The following NFIX variants were observed in gnomAD, a reference collection of about 807,000 sequenced individuals.
NFIX encodes nuclear factor 1 X-type.
NFIX carries 2 observed loss-of-function variants against 53.3 expected under a neutral mutation model. The observed-to-expected ratio is 0.04, with a 90% CI of 0.02 to 0.12. The LOEUF is 0.12. Ranked by LOEUF, NFIX falls within the 10% of genes least tolerant of loss-of-function variation. NFIX has a pLI of 1.00. For synonymous variants in NFIX, 244 were observed against 289.0 expected, an observed-to-expected ratio of 0.84 and a Z score of 1.58; for missense variants, 310 against 674.5, an observed-to-expected ratio of 0.46 and a Z score of 5.99.
rs879579186 is a variant in NFIX, at chr19:13,068,835, GAGA to G, written c.560-4209_560-4207del. On this transcript the variant is annotated intron_variant, in intron 2 of 10. Coordinates refer to ENST00000592199, the MANE Select transcript of NFIX (RefSeq NM_001365902.3). This position sits in a 1 kb window ranked among gnomAD's most constrained non-coding sequence, Gnocchi z 4.2. ...ATCTCACGAGTAGCCCAGGTCCCCA[GAGA>G]AGGACAGCCCGCAGAGCTGCGTGTT... Among the ~76,000 whole-genome samples the G allele has an allele frequency of 2.0e-5, 3 of 152,236 alleles. No homozygotes were observed. The highest frequency in any genetic ancestry group is 4.4e-5 in the Non-Finnish European group (3 of 68,046).
intron 2 of NFIX, among the ~76,000 whole-genome samples, chr19:13,069,403 C>T (rs1327279192): frequency 3.3e-5 from 5 of 152,318 alleles, no homozygotes; most frequent in East Asian, 3.9e-4. Context: ...AGATGGAGCC[C>T]GGCACCTGCC....
chr19:13,000,000 G>A (rs1200116729), intron 1 of NFIX, among the ~76,000 whole-genome samples: 1 of 152,210 alleles, frequency 6.6e-6, no homozygotes, highest in African/African-American at 2.4e-5. Flanking sequence ...TTTTGATGCT[G>A]GGCCGAGCTC....
intron 8 of NFIX, among the ~76,000 whole-genome samples, chr19:13,085,517 C>T (rs1014140758): frequency 2.0e-5 from 3 of 152,196 alleles, no homozygotes; most frequent in South Asian, 2.1e-4. Context: ...GGGGAGGCGT[C>T]GCATCACCTT....
In NFIX at chr19:13,002,211, T is replaced by G. The variant is rs2011745562; in HGVS notation, c.27+6347T>G. Among the ~76,000 whole-genome samples, 2 of 144,996 alleles carry G rather than the reference T, an allele frequency of 1.4e-5. No homozygotes were observed. The highest frequency in any genetic ancestry group is 1.5e-5 in the Non-Finnish European group (1 of 65,754). ...TCTTTCCCCCTTTCTCTCTCTCTCT[T>G]TCCTCCCTCTCTCCTCCCCTCCTCC... On this transcript the variant is annotated intron_variant, in intron 1 of 10. Transcript: ENST00000592199. The surrounding 1 kb of genome is among the most constrained non-coding windows in gnomAD (Gnocchi z 6.1).
Position 13,025,559 on chromosome 19 carries a change from C to A in NFIX, c.559+7C>A. 14 of 1,598,806 alleles carry A rather than the reference C, an allele frequency of 8.8e-6. No individual in the cohort carries two copies. Among genetic ancestry groups the A allele is most frequent in the Non-Finnish European group, 1.2e-5 (14 of 1,170,214 alleles). On this transcript the variant is annotated splice_region_variant and intron_variant, in intron 2 of 10. Transcript: ENST00000592199. This position sits in a 1 kb window ranked among gnomAD's most constrained non-coding sequence, Gnocchi z 7.5. Reference sequence around the variant, plus strand: ...TACTTTGTCCACACTCCGGGTAGGTCGTTCTCAACCATTTTTCCCTCTCAT... The same window carrying A: ...TACTTTGTCCACACTCCGGGTAGGTAGTTCTCAACCATTTTTCCCTCTCAT...
rs953082618 is a variant in NFIX, at chr19:13,081,510, C to T, written c.1079-170C>T. On this transcript the variant is annotated intron_variant, in intron 7 of 10. Transcript: ENST00000592199. This position sits in a 1 kb window ranked among gnomAD's most constrained non-coding sequence, Gnocchi z 4.7. ...TGTATTGCATTAAAACATCATGGAT[C>T]CTGATGACTGACTTTTTTGTGCCGC... 1.6e-4 allele frequency among the ~76,000 whole-genome samples: 25 copies of T among 152,216 alleles called. No homozygotes were observed. The highest frequency in any genetic ancestry group is 3.4e-3 in the Middle Eastern group (1 of 294).
chr19:13,003,792 C>T (rs2145136990), intron 1 of NFIX, among the ~76,000 whole-genome samples: 1 of 152,250 alleles, frequency 6.6e-6, no homozygotes, highest in Admixed American at 6.5e-5. Flanking sequence ...GTGCATGCCA[C>T]CACACCTGGC....
At position 13,037,382 on chromosome 19, in the gene NFIX, A is replaced by G. The variant is rs985015333; in HGVS notation, c.559+11830A>G. Among the ~76,000 whole-genome samples the G allele has an allele frequency of 1.3e-5, 2 of 152,220 alleles. No individual in the cohort carries two copies. Among genetic ancestry groups the G allele is most frequent in the African/African-American group, 4.8e-5 (2 of 41,448 alleles). ...AGTTTCAGCCTTAGTAATCTAAGAA[A>G]TATGTGAGCAATTTGATGCGGATCT... On this transcript the variant is annotated intron_variant, in intron 2 of 10. Coordinates refer to ENST00000592199, the MANE Select transcript of NFIX (RefSeq NM_001365902.3). The surrounding 1 kb of genome is among the most constrained non-coding windows in gnomAD (Gnocchi z 4.2).
rs1369895935 is a variant in NFIX, at chr19:13,066,157, T to C, written c.560-6890T>C. ...AAGATGAGCTGATGGACTTGCTTTCTCCTCGCTTCCCGAAGCCTTACTGCC... is the reference window on the plus strand; with the variant it reads ...AAGATGAGCTGATGGACTTGCTTTCCCCTCGCTTCCCGAAGCCTTACTGCC... On this transcript the variant is annotated intron_variant, in intron 2 of 10. Transcript: ENST00000592199. This position sits in a 1 kb window ranked among gnomAD's most constrained non-coding sequence, Gnocchi z 4.2. Among the ~76,000 whole-genome samples, 2 of 152,204 alleles carry C rather than the reference T, an allele frequency of 1.3e-5. No homozygotes were observed. The highest frequency in any genetic ancestry group is 3.8e-4 in the East Asian group (2 of 5,200).
chr19:13,064,631 G>GAGCCC (rs946438760), intron 2 of NFIX, among the ~76,000 whole-genome samples: 6 of 152,156 alleles, frequency 3.9e-5, no homozygotes, highest in African/African-American at 1.4e-4. Context: ...GGCCCCAAGG[G>GAGCCC]AGCCCCTCTG....
rs572084559 is a variant in NFIX at position 13,089,208 on chromosome 19, G to A, written c.1402+1072G>A. Among the ~76,000 whole-genome samples the A allele has an allele frequency of 6.6e-6, 1 of 152,276 alleles. No homozygotes were observed. The highest frequency in any genetic ancestry group is 2.4e-5 in the African/African-American group (1 of 41,554). ...GGGCAGGGTGGGGGATGGGAGCTGG[G>A]CTACAGGGTTCGGGGGCCACTTCTG... On this transcript the variant is annotated intron_variant, in intron 9 of 10. Coordinates refer to ENST00000592199, the MANE Select transcript of NFIX (RefSeq NM_001365902.3). The surrounding 1 kb of genome is among the most constrained non-coding windows in gnomAD (Gnocchi z 4.8).
At position 13,025,947 on chromosome 19, in the gene NFIX, T is replaced by C. The variant is rs2013310077; in HGVS notation, c.559+395T>C. On this transcript the variant is annotated intron_variant, in intron 2 of 10. Coordinates refer to ENST00000592199, the MANE Select transcript of NFIX (RefSeq NM_001365902.3). The surrounding 1 kb of genome is among the most constrained non-coding windows in gnomAD (Gnocchi z 7.5). The stretch of plus-strand genomic sequence containing the variant: ...TTATTAAAATGAGTCAGAAGAAGTA[T>C]TGAGGGGCAGGTGCTAGTTTTACTG... 1.3e-5 allele frequency among the ~76,000 whole-genome samples: 2 copies of C among 152,192 alleles called. No homozygotes were observed. Among genetic ancestry groups the C allele is most frequent in the East Asian group, 1.9e-4 (1 of 5,194 alleles).
Position 13,001,935 on chromosome 19 carries a change from C to T in NFIX, c.27+6071C>T, listed in dbSNP as rs919995948. Among the ~76,000 whole-genome samples the T allele has an allele frequency of 1.3e-5, 2 of 152,218 alleles. No individual in the cohort carries two copies. The highest frequency in any genetic ancestry group is 2.4e-5 in the African/African-American group (1 of 41,460). On this transcript the variant is annotated intron_variant, in intron 1 of 10. Coordinates refer to ENST00000592199, the MANE Select transcript of NFIX (RefSeq NM_001365902.3). This position sits in a 1 kb window ranked among gnomAD's most constrained non-coding sequence, Gnocchi z 6.5. ...CTGGCGTGGACAGAAGCCCGTTGTG[C>T]GGCAGCGAGGTGCGGGCGTGTGTTC...
intron 2 of NFIX, among the ~76,000 whole-genome samples, chr19:13,048,502 C>T (rs936861866): frequency 6.6e-6 from 1 of 151,960 alleles, no homozygotes; most frequent in Admixed American, 6.6e-5. Flanking sequence ...TTTTAATTCC[C>T]CATCTCCCCA....
chr19:13,075,682 G>A lies in NFIX; in HGVS notation c.955+11G>A, dbSNP rs762498386. On this transcript the variant is annotated intron_variant, in intron 6 of 10. Coordinates refer to ENST00000592199, the MANE Select transcript of NFIX (RefSeq NM_001365902.3). The stretch of plus-strand genomic sequence containing the variant: ...ACGATGTGGATGCAGGTATGGGTGC[G>A]GGGGATCCTGACCCAGAGCAAGGGC... 4.3e-6 allele frequency: 7 copies of A among 1,611,430 alleles called. No homozygotes were observed. Among genetic ancestry groups the A allele is most frequent in the Middle Eastern group, 1.7e-4 (1 of 6,056 alleles).
intron 10 of NFIX, among the ~76,000 whole-genome samples, chr19:13,091,149 C>G (rs917963781): frequency 1.5e-4 from 23 of 152,122 alleles, no homozygotes; most frequent in African/African-American, 5.1e-4. Context: ...CTTTAGGGGG[C>G]CTGAGGCTTT....
rs956270029 is a variant in NFIX at position 13,021,902 on chromosome 19, GT to G, written c.28-3113del. Among the ~76,000 whole-genome samples, 1 of 152,090 alleles carries G rather than the reference GT, an allele frequency of 6.6e-6. No individual in the cohort carries two copies. Among genetic ancestry groups the G allele is most frequent in the Non-Finnish European group, 1.5e-5 (1 of 68,014 alleles). ...CCTGTTTTTGATAGAGCCCTTTGCT[GT>G]TTTTTGTTGTGTCCTTTCTTAGCTC... On this transcript the variant is annotated intron_variant, in intron 1 of 10. Coordinates refer to ENST00000592199, the MANE Select transcript of NFIX (RefSeq NM_001365902.3). This position sits in a 1 kb window ranked among gnomAD's most constrained non-coding sequence, Gnocchi z 4.2.
chr19:13,083,299 G>T (rs929150311), intron 8 of NFIX, among the ~76,000 whole-genome samples: 7 of 152,144 alleles, frequency 4.6e-5, no homozygotes, highest in Admixed American at 3.3e-4. Flanking sequence ...GGGATATGCC[G>T]CAGAGAGGCC....
Position 13,083,877 on chromosome 19 carries a change from C to G in NFIX, c.1254+2022C>G, listed in dbSNP as rs560093424. ...CAGAGGGCCCGGCTCCGCCACTGATCCAGTGGGTAGGGAGTGGCAGCGCCC... is the reference window on the plus strand; with the variant it reads ...CAGAGGGCCCGGCTCCGCCACTGATGCAGTGGGTAGGGAGTGGCAGCGCCC... On this transcript the variant is annotated intron_variant, in intron 8 of 10. Transcript: ENST00000592199. 5.3e-5 allele frequency among the ~76,000 whole-genome samples: 8 copies of G among 152,332 alleles called. No homozygotes were observed. In the South Asian group the frequency reaches 1.7e-3, roughly 32 times the overall value.
Sources: gnomAD v4.1 joint callset for allele counts (sites outside exome capture counted in the v4.1 genomes callset) on GRCh38, gnomAD v4.1.1 for gene constraint, Gnocchi (gnomAD v3.1) non-coding constraint, MANE v1.5 for transcripts, NCBI Gene and HGNC (gene_info 2026-07-23, HGNC 2026-07-21) for gene names.